The following GPD1L variants were observed in gnomAD, a reference collection of about 807,000 sequenced individuals.
GPD1L encodes glycerol-3-phosphate dehydrogenase 1-like protein.
In GPD1L, 17 loss-of-function variants were observed where a neutral mutation model predicts 32.9. The ratio of observed to expected loss-of-function variants is 0.52; its 90% CI spans 0.35 to 0.78. GPD1L has a LOEUF of 0.78. GPD1L is among the 30% of genes least tolerant of loss of function. The probability of loss-of-function intolerance (pLI) is 0.01; values close to 1 mark genes in which losing one functional copy is unlikely to be tolerated. For synonymous variants in GPD1L, 187 were observed against 165.9 expected (o/e 1.13, Z -0.98); for missense variants, 361 against 447.8 (o/e 0.81, Z 1.75).
At chr3:32,137,613 T>A (rs1575114665) in intron 2 of GPD1L, among the ~76,000 whole-genome samples, 2 of 152,332 alleles carry the variant, frequency 1.3e-5, no homozygotes, top group Admixed American at 1.3e-4. Context: ...GGAGCCCAGC[T>A]TGAAACTAGG....
chr3:32,148,329 G>A (rs1700862179), intron 5 of GPD1L, among the ~76,000 whole-genome samples: 2 of 152,176 alleles, frequency 1.3e-5, no homozygotes, highest in Non-Finnish European at 2.9e-5. Context: ...TGCTGGTCTT[G>A]TGTCTGAACT....
Position 32,159,678 on chromosome 3 carries a change from A to G in GPD1L, c.959+4A>G. On this transcript the variant is annotated splice_donor_region_variant and intron_variant, in intron 7 of 7. Coordinates refer to ENST00000282541, the MANE Select transcript of GPD1L (RefSeq NM_015141.4). Reference sequence around the variant, plus strand: ...AACAGAAGGGACTACTGGACAAGTAAGTCTCTCAGTCGCCCATGAGACCAG... The same window carrying G: ...AACAGAAGGGACTACTGGACAAGTAGGTCTCTCAGTCGCCCATGAGACCAG... The G allele has an allele frequency of 6.5e-7, 1 of 1,530,190 alleles. No homozygotes were observed. The highest frequency in any genetic ancestry group is 1.4e-5 in the African/African-American group (1 of 73,462). 94.8% of individuals were successfully genotyped at this position (1,530,190 alleles called of 1,614,324 possible).
At chr3:32,112,342 A>G (rs1371556910) in intron 1 of GPD1L, among the ~76,000 whole-genome samples, 1 of 136,780 alleles carries the variant, frequency 7.3e-6, no homozygotes. Context: ...TAAAATATAA[A>G]TAAAACTCAT....
intron 1 of GPD1L, among the ~76,000 whole-genome samples, chr3:32,108,954 A>G (rs1489520350): frequency 6.6e-6 from 1 of 152,122 alleles, no homozygotes; most frequent in African/African-American, 2.4e-5. Context: ...GGTTCATGCC[A>G]TTCTCCTGCC....
At chr3:32,116,040 G>A (rs972848264) in intron 1 of GPD1L, among the ~76,000 whole-genome samples, 9 of 151,742 alleles carry the variant, frequency 5.9e-5, no homozygotes, top group Admixed American at 3.3e-4. Flanking sequence ...TGCCCGCCTC[G>A]GCCTCTCAAA....
intron 2 of GPD1L, among the ~76,000 whole-genome samples, chr3:32,137,639 G>T (rs1034477721): frequency 6.6e-6 from 1 of 151,974 alleles, no homozygotes. Flanking sequence ...TAATGCTGAG[G>T]AATAAGGAAG....
At chr3:32,127,581 C>T (rs1047012178) in intron 1 of GPD1L, among the ~76,000 whole-genome samples, 5 of 152,156 alleles carry the variant, frequency 3.3e-5, no homozygotes, top group East Asian at 1.9e-4. Flanking sequence ...GGTTGCAGGG[C>T]GGAGGGAGTG....
At chr3:32,140,729 C>A (rs1448529818) in intron 4 of GPD1L, among the ~76,000 whole-genome samples, 1 of 152,146 alleles carries the variant, frequency 6.6e-6, no homozygotes, top group Non-Finnish European at 1.5e-5. Context: ...TCTTTTCTTA[C>A]AAATGTTAGT....
At chr3:32,149,754 T>C (rs1575119168) in intron 5 of GPD1L, among the ~76,000 whole-genome samples, 2 of 151,900 alleles carry the variant, frequency 1.3e-5, no homozygotes, top group Admixed American at 1.3e-4. Flanking sequence ...CTTAGACCAG[T>C]CTGGCCAATA....
intron 1 of GPD1L, among the ~76,000 whole-genome samples, chr3:32,126,480 AC>A (rs1700509333): frequency 6.6e-6 from 1 of 152,240 alleles, no homozygotes; most frequent in Admixed American, 6.5e-5. Context: ...TGTGAAAGTT[AC>A]TTGATGCCAG....
intron 7 of GPD1L, 120 bp downstream of exon 7, chr3:32,159,794 T>C: frequency 4.1e-6 from 3 of 726,088 alleles, no homozygotes; most frequent in Non-Finnish European, 7.6e-6. Context: ...TTATCTGGAT[T>C]AGTTCAGTCC....
At chr3:32,111,640 A>G (rs1344722434) in intron 1 of GPD1L, among the ~76,000 whole-genome samples, 1 of 152,134 alleles carries the variant, frequency 6.6e-6, no homozygotes, top group African/African-American at 2.4e-5. Flanking sequence ...AGGAGAGAAG[A>G]CAGGAGATGA....
At chr3:32,130,264 C>G (rs960764560) in intron 2 of GPD1L, among the ~76,000 whole-genome samples, 13 of 151,500 alleles carry the variant, frequency 8.6e-5, no homozygotes, top group African/African-American at 3.1e-4. Flanking sequence ...CTCCCAGAAC[C>G]CTGTTGTTGT....
At chr3:32,144,918 G>T (rs1700798033) in intron 4 of GPD1L, among the ~76,000 whole-genome samples, 1 of 151,460 alleles carries the variant, frequency 6.6e-6, no homozygotes, top group South Asian at 2.1e-4. Context: ...TGACCAGGCT[G>T]GTCTCGAACT....
Position 32,140,359 on chromosome 3 carries a change from C to A in GPD1L, c.498C>A (p.Thr166=). Reference sequence around the variant, plus strand: ...TGGCTGCAGAGAAGTTCTGTGAGACCACCATCGGTAAGCACTGCCTGGGAG... The same window carrying A: ...TGGCTGCAGAGAAGTTCTGTGAGACAACCATCGGTAAGCACTGCCTGGGAG... ...NEVAAEKFCE[T]TIGSKVMENG... is the part of the protein sequence containing the mutation. Residue 166 remains threonine (T), a synonymous_variant, in exon 4 of 8, where the codon ACC becomes ACA. Coordinates refer to ENST00000282541, the MANE Select transcript of GPD1L (RefSeq NM_015141.4). 1 of 1,614,128 alleles carries A rather than the reference C, an allele frequency of 6.2e-7. No homozygotes were observed. The highest frequency in any genetic ancestry group is 1.3e-5 in the African/African-American group (1 of 75,036).
Position 32,129,472 on chromosome 3 carries a change from A to G in GPD1L, c.225+1219A>G, listed in dbSNP as rs1389726561. 3.3e-5 allele frequency among the ~76,000 whole-genome samples: 5 copies of G among 152,204 alleles called. No homozygotes were observed. In the East Asian group the frequency reaches 9.6e-4, roughly 29 times the overall value. ...ATTTAATCCTCTCAATAACCCTCTT[A>G]GGCTGATACTACTGGTTTTCCTATT... On this transcript the variant is annotated intron_variant, in intron 2 of 7. Transcript: ENST00000282541.
At chr3:32,164,596 G>C (rs555488163) in intron 7 of GPD1L, among the ~76,000 whole-genome samples, 1 of 152,262 alleles carries the variant, frequency 6.6e-6, no homozygotes, top group South Asian at 2.1e-4. Flanking sequence ...TTTTACAGAT[G>C]GGCAAACAGG....
chr3:32,144,577 A>G (rs2125488997), intron 4 of GPD1L, among the ~76,000 whole-genome samples: 1 of 152,256 alleles, frequency 6.6e-6, no homozygotes, highest in East Asian at 1.9e-4. Context: ...TTTGGTTTAC[A>G]TTGAGTTTTG....
rs779017611 is a variant in GPD1L, at chr3:32,128,127, A to T, written c.99A>T (p.Lys33Asn). 148 of 1,612,652 alleles carry T rather than the reference A, an allele frequency of 9.2e-5. No individual in the cohort carries two copies. The South Asian group carries it at 1.5e-3, about 17-fold the overall frequency. The change falls in exon 2 of 8, where the codon AAA becomes AAT. Residue 33 changes from lysine to asparagine, a missense_variant. Lys to Asn is a moderately conservative substitution (Grantham distance 94). Coordinates refer to ENST00000282541, the MANE Select transcript of GPD1L (RefSeq NM_015141.4). ...GTAATAATGTCAAGAAACTTCAGAA[A>T]TTTGCCTCCACAGTCAAGATGTGGG... ...IIGNNVKKLQ[K>N]FASTVKMWVF...
Sources: gnomAD v4.1 joint callset for allele counts (sites outside exome capture counted in the v4.1 genomes callset) on GRCh38, gnomAD v4.1.1 for gene constraint, MANE v1.5 for transcripts, NCBI Gene and HGNC (gene_info 2026-07-23, HGNC 2026-07-21) for gene names.